The following FAF1 variants were observed in gnomAD, a reference collection of about 807,000 sequenced individuals.
FAF1 encodes FAS-associated factor 1.
Under a neutral mutation model 92.5 loss-of-function variants are expected in FAF1, and 25 were observed. The ratio of observed to expected loss-of-function variants is 0.27; its 90% CI spans 0.20 to 0.38. FAF1 has a LOEUF of 0.38. Among genes scored for constraint, FAF1 ranks in the 10% least tolerant of loss-of-function variants. FAF1 has a pLI of 1.00. For missense variants in FAF1, 636 were observed against 793.3 expected, an observed-to-expected ratio of 0.80 and a Z score of 2.38; for synonymous variants, 234 against 273.2, an observed-to-expected ratio of 0.86 and a Z score of 1.42.
intron 8 of FAF1, among the ~76,000 whole-genome samples, chr1:50,613,834 C>T (rs1319022748): frequency 6.6e-6 from 1 of 152,062 alleles, no homozygotes; most frequent in Non-Finnish European, 1.5e-5. Flanking sequence ...CATGGTGGCT[C>T]ACACCTGTAA....
At chr1:50,954,440 C>G (rs759215499) in intron 1 of FAF1, among the ~76,000 whole-genome samples, 8 of 151,690 alleles carry the variant, frequency 5.3e-5, no homozygotes, top group Non-Finnish European at 1.0e-4. Flanking sequence ...ACTCTGGAGG[C>G]TGAGGTAGAA....
chr1:50,946,331 G>T (rs1460951198), intron 1 of FAF1, among the ~76,000 whole-genome samples: 4 of 152,204 alleles, frequency 2.6e-5, no homozygotes, highest in Admixed American at 2.6e-4. Context: ...ACCCAAAGGA[G>T]AGTTGGCAAC....
intron 6 of FAF1, among the ~76,000 whole-genome samples, chr1:50,715,635 A>AT (rs2124443517): frequency 6.6e-6 from 1 of 152,306 alleles, no homozygotes; most frequent in Non-Finnish European, 1.5e-5. Context: ...TAGGCTTCCA[A>AT]TGCTCTTTCA....
intron 1 of FAF1, among the ~76,000 whole-genome samples, chr1:50,873,317 C>T (rs1206539622): frequency 6.6e-6 from 1 of 152,160 alleles, no homozygotes; most frequent in African/African-American, 2.4e-5. Flanking sequence ...GGGAACTGAG[C>T]CTAAAATAGT....
intron 12 of FAF1, among the ~76,000 whole-genome samples, chr1:50,580,388 T>C (rs917642261): frequency 6.6e-5 from 10 of 151,906 alleles, no homozygotes; most frequent in African/African-American, 2.2e-4. Flanking sequence ...TAGCAGTTAA[T>C]CCTTTTAAGT....
intron 7 of FAF1, among the ~76,000 whole-genome samples, chr1:50,679,323 C>A (rs372061402): frequency 5.5e-5 from 8 of 145,760 alleles, no homozygotes; most frequent in South Asian, 2.2e-4. Context: ...AAAAAAAGTA[C>A]AAAAAAAAAG....
chr1:50,868,874 T>C (rs1054869928), intron 1 of FAF1, among the ~76,000 whole-genome samples: 1 of 152,194 alleles, frequency 6.6e-6, no homozygotes, highest in Non-Finnish European at 1.5e-5. Flanking sequence ...CTATCTGTTA[T>C]TGTGTGGAAT....
At chr1:50,869,590 G>A (rs532448035) in intron 1 of FAF1, among the ~76,000 whole-genome samples, 1 of 152,178 alleles carries the variant, frequency 6.6e-6, no homozygotes, top group South Asian at 2.1e-4. Flanking sequence ...TACTTGCCAT[G>A]GAGGTGCATC....
rs187005763 is a variant in FAF1, at chr1:50,551,566, T to C, written c.1269-11838A>G. ...ACTTAGAAAGATGGTTTATGAACAA[T>C]TAGAATACAGTAGCGATGAATGGCA... On this transcript the variant is annotated intron_variant, in intron 13 of 18. Transcript: ENST00000396153. Among the ~76,000 whole-genome samples, 342 of 152,264 alleles carry C rather than the reference T, an allele frequency of 2.2e-3. 3 individuals carry two copies. The highest frequency in any genetic ancestry group is 8.1e-3 in the African/African-American group (338 of 41,554).
intron 9 of FAF1, among the ~76,000 whole-genome samples, chr1:50,585,880 TAAAAAAAAAAAA>T (rs958484582): frequency 3.3e-5 from 3 of 90,670 alleles, no homozygotes; most frequent in African/African-American, 1.1e-4. Context: ...CATCTCTACA[TAAAAAAAAAAAA>T]AAAAAAAAAG....
chr1:50,957,780 CA>C (rs1645281135), intron 1 of FAF1, among the ~76,000 whole-genome samples: 1 of 151,766 alleles, frequency 6.6e-6, no homozygotes, highest in Non-Finnish European at 1.5e-5. Flanking sequence ...TTGTCACACA[CA>C]AAAAATAGAA....
intron 8 of FAF1, among the ~76,000 whole-genome samples, chr1:50,599,447 G>A (rs1651990669): frequency 6.6e-6 from 1 of 152,126 alleles, no homozygotes. Flanking sequence ...AAAAGCAATG[G>A]TAGGCAAATC....
rs983205330 is a variant in FAF1 at position 50,782,126 on chromosome 1, T to C, written c.367+5874A>G. Among the ~76,000 whole-genome samples, 5 of 152,382 alleles carry C rather than the reference T, an allele frequency of 3.3e-5. No homozygotes were observed. In the East Asian group the frequency reaches 9.6e-4, roughly 29 times the overall value. ...AATGATAATACATATGTTACTGGTT[T>C]ATGTATTCACTATACTATACTTTTT... is the stretch of plus-strand genomic sequence containing the variant. On this transcript the variant is annotated intron_variant, in intron 4 of 18. Coordinates refer to ENST00000396153, the MANE Select transcript of FAF1 (RefSeq NM_007051.3).
chr1:50,491,880 CCTT>C, intron 15 of FAF1, 79 bp from the exon 16 acceptor site: 1 of 1,006,600 alleles, frequency 9.9e-7, no homozygotes, highest in Non-Finnish European at 1.5e-6. Context: ...AATGGTAATC[CCTT>C]TTTTATTCCT....
chr1:50,684,724 A>G (rs1420216584), intron 7 of FAF1, among the ~76,000 whole-genome samples: 3 of 152,124 alleles, frequency 2.0e-5, no homozygotes, highest in Non-Finnish European at 4.4e-5. Context: ...TCAACTAATA[A>G]CTTCAATGGA....
At chr1:50,480,627 A>C (rs1646689625) in intron 17 of FAF1, among the ~76,000 whole-genome samples, 2 of 152,232 alleles carry the variant, frequency 1.3e-5, no homozygotes, top group African/African-American at 4.8e-5. Context: ...AAAGACACAC[A>C]TAAGAAAAGA....
At chr1:50,565,474 T>C (rs1351527117) in intron 13 of FAF1, among the ~76,000 whole-genome samples, 5 of 152,144 alleles carry the variant, frequency 3.3e-5, no homozygotes, top group Non-Finnish European at 5.9e-5. Flanking sequence ...TCATAAGGAG[T>C]TAATAGGACA....
intron 1 of FAF1, among the ~76,000 whole-genome samples, chr1:50,912,547 T>C (rs1644893229): frequency 6.6e-6 from 1 of 152,210 alleles, no homozygotes; most frequent in East Asian, 1.9e-4. Context: ...TAAACCTTAC[T>C]AAGCTTAGTG....
chr1:50,622,688 C>T (rs1269976129), intron 8 of FAF1, among the ~76,000 whole-genome samples: 1 of 152,022 alleles, frequency 6.6e-6, no homozygotes, highest in African/African-American at 2.4e-5. Context: ...AAATCTTGGA[C>T]TTGGGGGTGG....
Sources: gnomAD v4.1 joint callset for allele counts (sites outside exome capture counted in the v4.1 genomes callset) on GRCh38, gnomAD v4.1.1 for gene constraint, MANE v1.5 for transcripts, NCBI Gene and HGNC (gene_info 2026-07-23, HGNC 2026-07-21) for gene names.